The following KCTD16 variants were observed in gnomAD, a reference collection of about 807,000 sequenced individuals.
The protein encoded by KCTD16 is BTB/POZ domain-containing protein KCTD16.
Under a neutral mutation model 33.2 loss-of-function variants are expected in KCTD16, and 13 were observed. The observed-to-expected ratio is 0.39, with a 90% CI of 0.25 to 0.62. The LOEUF is 0.62. Ranked by LOEUF, KCTD16 falls within the 20% of genes least tolerant of loss-of-function variation. The pLI is 0.50. For synonymous variants in KCTD16, 197 were observed against 195.3 expected, an observed-to-expected ratio of 1.01 and a Z score of -0.07; for missense variants, 441 against 525.1, an observed-to-expected ratio of 0.84 and a Z score of 1.57.
chr5:144,322,681 G>A lies in KCTD16; in HGVS notation c.832+115135G>A, dbSNP rs186815132. Among the ~76,000 whole-genome samples, 43 of 150,820 alleles carry A rather than the reference G, an allele frequency of 2.9e-4. No individual in the cohort carries two copies. In the East Asian group the frequency reaches 4.9e-3, roughly 17 times the overall value. On this transcript the variant is annotated intron_variant, in intron 3 of 3. Coordinates refer to ENST00000512467, the MANE Select transcript of KCTD16 (RefSeq NM_020768.4). ...TATTCTATATTTTGCTTAAGCCATTGTGGGTGGTGCTTCTCACAATAACAA... is the reference window on the plus strand; with the variant it reads ...TATTCTATATTTTGCTTAAGCCATTATGGGTGGTGCTTCTCACAATAACAA...
At position 144,307,537 on chromosome 5, in the gene KCTD16, T is replaced by C. The variant is rs1045556678; in HGVS notation, c.832+99991T>C. Among the ~76,000 whole-genome samples, 5 of 152,196 alleles carry C rather than the reference T, an allele frequency of 3.3e-5. No individual in the cohort carries two copies. The South Asian group carries it at 6.2e-4, about 19-fold the overall frequency. ...ATACATTATTTCATTTAGTAGTCAG[T>C]GTTTATCAAATGAAGTACTAAGGCT... On this transcript the variant is annotated intron_variant, in intron 3 of 3. Coordinates refer to ENST00000512467, the MANE Select transcript of KCTD16 (RefSeq NM_020768.4).
In KCTD16 at chr5:144,299,226, T is replaced by G. The variant is rs1315117390; in HGVS notation, c.832+91680T>G. On this transcript the variant is annotated intron_variant, in intron 3 of 3. Coordinates refer to ENST00000512467, the MANE Select transcript of KCTD16 (RefSeq NM_020768.4). Reference sequence around the variant, plus strand: ...TCCTGTGCAATATACCACTAACACTTTGACAAAAATCTTCAACCTCTTTCA... The same window carrying G: ...TCCTGTGCAATATACCACTAACACTGTGACAAAAATCTTCAACCTCTTTCA... Among the ~76,000 whole-genome samples the G allele has an allele frequency of 2.1e-5, 3 of 142,174 alleles. No homozygotes were observed. In the East Asian group the frequency reaches 6.4e-4, roughly 31 times the overall value. The allele number at this position is 142,174 out of a possible 152,430, so 93.3% of individuals were successfully genotyped here. A position where few individuals can be genotyped will look rare whatever the true frequency, so the allele number is the denominator to read the frequency against.
At chr5:144,447,239 G>GA (rs1753839829) in intron 3 of KCTD16, among the ~76,000 whole-genome samples, 1 of 152,174 alleles carries the variant, frequency 6.6e-6, no homozygotes, top group African/African-American at 2.4e-5. Flanking sequence ...AGCAAAGAAT[G>GA]AGTTCATGTC....
intron 3 of KCTD16, among the ~76,000 whole-genome samples, chr5:144,400,985 T>TGGGGCAAAATCAGTAGC (rs1554092614): frequency 6.6e-6 from 1 of 152,034 alleles, no homozygotes; most frequent in African/African-American, 2.4e-5. Context: ...CCAGGGCAAT[T>TGGGGCAAAATCAGTAGC]GGGGCAAAAT....
intron 3 of KCTD16, among the ~76,000 whole-genome samples, chr5:144,303,892 T>C (rs987938241): frequency 2.0e-5 from 3 of 152,182 alleles, no homozygotes; most frequent in Admixed American, 1.3e-4. Context: ...ATTAGTTCTG[T>C]GGTCATTGGA....
intron 2 of KCTD16, chr5:144,205,388 A>C (rs1225289314): frequency 2.5e-6 from 1 of 397,202 alleles, no homozygotes; most frequent in East Asian, 3.6e-5. Context: ...CTGAAACAAC[A>C]GCATCCGAAC....
At chr5:144,284,161 A>G (rs1201275113) in intron 3 of KCTD16, among the ~76,000 whole-genome samples, 1 of 152,226 alleles carries the variant, frequency 6.6e-6, no homozygotes, top group Non-Finnish European at 1.5e-5. Context: ...AATTTCAAAG[A>G]CTTGCCTTGA....
At chr5:144,318,327 G>T (rs1397808342) in intron 3 of KCTD16, among the ~76,000 whole-genome samples, 6 of 152,124 alleles carry the variant, frequency 3.9e-5, no homozygotes, top group Non-Finnish European at 8.8e-5. Context: ...ACCTTGATGT[G>T]CAAGGTACCT....
At chr5:144,452,825 C>G (rs1357446203) in intron 3 of KCTD16, among the ~76,000 whole-genome samples, 1 of 151,474 alleles carries the variant, frequency 6.6e-6, no homozygotes, top group African/African-American at 2.4e-5. Context: ...TAGGGAAGGA[C>G]TACCTGAACC....
At chr5:144,187,790 T>C (rs1580774721) in intron 2 of KCTD16, among the ~76,000 whole-genome samples, 1 of 152,236 alleles carries the variant, frequency 6.6e-6, no homozygotes, top group South Asian at 2.1e-4. Context: ...CCAGATGTCT[T>C]AGGTTGTGTT....
At chr5:144,260,691 C>T (rs942556946) in intron 3 of KCTD16, among the ~76,000 whole-genome samples, 7 of 152,038 alleles carry the variant, frequency 4.6e-5, no homozygotes, top group African/African-American at 1.7e-4. Flanking sequence ...TGGGCAGAAT[C>T]GCAAGTGTAT....
chr5:144,405,756 G>A (rs1434897640), intron 3 of KCTD16, among the ~76,000 whole-genome samples: 3 of 152,156 alleles, frequency 2.0e-5, no homozygotes, highest in African/African-American at 7.2e-5. Flanking sequence ...AAACAGCTAT[G>A]TTTTTCAGAA....
chr5:144,344,131 A>G (rs200748044), intron 3 of KCTD16, among the ~76,000 whole-genome samples: 4 of 152,134 alleles, frequency 2.6e-5, no homozygotes, highest in Non-Finnish European at 5.9e-5. Flanking sequence ...TTTAATAAAT[A>G]GTGCTGGGAA....
Position 144,483,025 on chromosome 5 carries a change from A to C in KCTD16, c.*8911A>C, listed in dbSNP as rs962548994. On this transcript the variant is annotated 3_prime_UTR_variant, in exon 4 of 4. Coordinates refer to ENST00000512467, the MANE Select transcript of KCTD16 (RefSeq NM_020768.4). The stretch of plus-strand genomic sequence containing the variant: ...AAATATTTAGATTTAATATCTATGA[A>C]TAATAAACCAAAAAAAGTGCATTTA... 1 of 151,578 alleles carries C rather than the reference A, an allele frequency of 6.6e-6. No homozygotes were observed. The highest frequency in any genetic ancestry group is 1.5e-5 in the Non-Finnish European group (1 of 67,850). The allele number at this position is 151,578 out of a possible 1,614,324, so 9.4% of individuals were successfully genotyped here. A position where few individuals can be genotyped will look rare whatever the true frequency, so the allele number is the denominator to read the frequency against.
intron 3 of KCTD16, among the ~76,000 whole-genome samples, chr5:144,387,685 G>T (rs1054090871): frequency 2.0e-5 from 3 of 152,150 alleles, no homozygotes; most frequent in African/African-American, 7.2e-5. Flanking sequence ...AGGAGTGTGA[G>T]AATTTATGTC....
intron 3 of KCTD16, among the ~76,000 whole-genome samples, chr5:144,389,446 C>T (rs1009786894): frequency 1.4e-4 from 22 of 151,984 alleles, no homozygotes; most frequent in African/African-American, 5.3e-4. Flanking sequence ...AGGTTCCATG[C>T]TCCTTATGAG....
intron 3 of KCTD16, among the ~76,000 whole-genome samples, chr5:144,462,581 AAC>A (rs1754224452): frequency 6.6e-6 from 1 of 151,604 alleles, no homozygotes; most frequent in African/African-American, 2.4e-5. Flanking sequence ...AAAAAAAAAA[AAC>A]AAAAAACTCT....
rs754318566 is a variant in KCTD16, at chr5:144,478,227, A to T, written c.*4113A>T. 1 of 152,112 alleles carries T rather than the reference A, an allele frequency of 6.6e-6. No individual in the cohort carries two copies. Among genetic ancestry groups the T allele is most frequent in the Non-Finnish European group, 1.5e-5 (1 of 67,974 alleles). The allele number at this position is 152,112 out of a possible 1,614,324, so 9.4% of individuals were successfully genotyped here. A position where few individuals can be genotyped will look rare whatever the true frequency, so the allele number is the denominator to read the frequency against. On this transcript the variant is annotated 3_prime_UTR_variant, in exon 4 of 4. Transcript: ENST00000512467. ...TTACATGTCATTTGTATAGAACTGTATAATGATTAATATCTGCAGAGAAAT... is the reference window on the plus strand; with the variant it reads ...TTACATGTCATTTGTATAGAACTGTTTAATGATTAATATCTGCAGAGAAAT...
At chr5:144,216,454 T>C (rs1205990334) in intron 3 of KCTD16, among the ~76,000 whole-genome samples, 2 of 152,202 alleles carry the variant, frequency 1.3e-5, no homozygotes, top group African/African-American at 4.8e-5. Flanking sequence ...TTACAGCAAC[T>C]TTTTATTCTG....
Sources: allele counts gnomAD v4.1 joint callset (sites outside exome capture counted in the v4.1 genomes callset), GRCh38; gene constraint gnomAD v4.1.1; transcripts MANE v1.5; gene names NCBI Gene and HGNC (gene_info 2026-07-23, HGNC 2026-07-21).